The following CDC123 variants were observed in gnomAD, a reference collection of about 807,000 sequenced individuals.
CDC123 encodes cell division cycle 123.
Under a neutral mutation model 54.4 loss-of-function variants are expected in CDC123, and 37 were observed. The ratio of observed to expected loss-of-function variants is 0.68; its 90% CI spans 0.52 to 0.89. The LOEUF (loss-of-function observed/expected upper bound fraction) is 0.89. Ranked by LOEUF, CDC123 falls within the 40% of genes least tolerant of loss-of-function variation. The pLI is 0.00. For missense variants in CDC123, 361 were observed against 412.1 expected (o/e 0.88, Z 1.07); for synonymous variants, 144 against 136.8 (o/e 1.05, Z -0.37).
At chr10:12,215,856 C>A (rs758802085) in intron 5 of CDC123, 21 bp downstream of exon 5, 33 of 1,447,230 alleles carry the variant, frequency 2.3e-5, no homozygotes, top group Non-Finnish European at 2.9e-5. Flanking sequence ...ATAAGTAATT[C>A]TCTTACTGTT....
In CDC123 at chr10:12,226,620, G is replaced by T. The variant is rs967790359; in HGVS notation, c.441-4328G>T. On this transcript the variant is annotated intron_variant, in intron 6 of 12. Transcript: ENST00000281141. Reference sequence around the variant, plus strand: ...GAGGCGCTCCTCACATCCCAGACGGGGCGGCGGGGCAGAGGCGCTCCTCAC... The same window carrying T: ...GAGGCGCTCCTCACATCCCAGACGGTGCGGCGGGGCAGAGGCGCTCCTCAC... 4.7e-5 allele frequency among the ~76,000 whole-genome samples: 7 copies of T among 148,666 alleles called. No individual in the cohort carries two copies. In the South Asian group the frequency reaches 1.1e-3, roughly 23 times the overall value.
intron 2 of CDC123, among the ~76,000 whole-genome samples, chr10:12,208,143 C>T (rs1835545858): frequency 6.6e-6 from 1 of 152,190 alleles, no homozygotes; most frequent in African/African-American, 2.4e-5. Context: ...GAGATAAAAG[C>T]ACATGTTTAA....
intron 8 of CDC123, among the ~76,000 whole-genome samples, chr10:12,235,997 G>A (rs1488906743): frequency 6.6e-6 from 1 of 152,156 alleles, no homozygotes; most frequent in Non-Finnish European, 1.5e-5. Context: ...AAGTCACTCT[G>A]AAAAAAGGAA....
intron 8 of CDC123, among the ~76,000 whole-genome samples, chr10:12,236,735 C>A (rs753825766): frequency 6.6e-6 from 1 of 151,090 alleles, no homozygotes; most frequent in East Asian, 1.9e-4. Context: ...GCTAAAAATA[C>A]AAAAAAAAAT....
At chr10:12,245,925 C>T in intron 10 of CDC123, 1 of 393,264 alleles carries the variant, frequency 2.5e-6, no homozygotes, top group Non-Finnish European at 4.6e-6. Flanking sequence ...CAAAAATTAG[C>T]TGCATGTGGT....
chr10:12,224,599 A>G (rs1301845903), intron 6 of CDC123, among the ~76,000 whole-genome samples: 2 of 152,208 alleles, frequency 1.3e-5, no homozygotes, highest in African/African-American at 4.8e-5. Context: ...TATTCTGCCA[A>G]GAATTTGAAC....
intron 2 of CDC123, among the ~76,000 whole-genome samples, chr10:12,208,989 C>G (rs1264516049): frequency 6.6e-6 from 1 of 152,164 alleles, no homozygotes; most frequent in Non-Finnish European, 1.5e-5. Context: ...TGGTTTTGCC[C>G]CCACAGTAGT....
chr10:12,214,811 G>T (rs1835643008), intron 4 of CDC123, among the ~76,000 whole-genome samples: 1 of 151,710 alleles, frequency 6.6e-6, no homozygotes, highest in Non-Finnish European at 1.5e-5. Flanking sequence ...TTTTTCCTAG[G>T]GAAGAAGTTG....
intron 5 of CDC123, among the ~76,000 whole-genome samples, chr10:12,216,056 C>T (rs892716943): frequency 2.6e-5 from 4 of 152,146 alleles, no homozygotes; most frequent in East Asian, 1.9e-4. Context: ...GTAGTTTCCA[C>T]GTCTTGTGTT....
At chr10:12,214,161 A>G (rs1050934829) in intron 4 of CDC123, among the ~76,000 whole-genome samples, 12 of 152,288 alleles carry the variant, frequency 7.9e-5, no homozygotes, top group Admixed American at 5.9e-4. Context: ...AAAGGCATAC[A>G]TGAAAAGTAA....
intron 11 of CDC123, 181 bp downstream of exon 11, chr10:12,246,458 CTT>C: frequency 1.7e-6 from 1 of 572,148 alleles, no homozygotes; most frequent in Non-Finnish European, 3.0e-6. Context: ...CCCCACTTAA[CTT>C]TATATACAGA....
chr10:12,231,340 A>T (rs1835899693), intron 7 of CDC123, among the ~76,000 whole-genome samples: 1 of 152,154 alleles, frequency 6.6e-6, no homozygotes, highest in African/African-American at 2.4e-5. Context: ...ATAAGAGGAT[A>T]GGCCGGGCGT....
chr10:12,239,744 C>A (rs1367573016), intron 10 of CDC123, among the ~76,000 whole-genome samples: 1 of 150,616 alleles, frequency 6.6e-6, no homozygotes, highest in Non-Finnish European at 1.5e-5. Context: ...CGCGGTGGCT[C>A]ACACCTGTAA....
At chr10:12,201,415 G>C (rs890482393) in intron 2 of CDC123, among the ~76,000 whole-genome samples, 1 of 152,158 alleles carries the variant, frequency 6.6e-6, no homozygotes, top group Admixed American at 6.5e-5. Flanking sequence ...GAGGGTCGGG[G>C]AATGCTCCGA....
At chr10:12,230,908 T>C in intron 6 of CDC123, 40 bp from the exon 7 acceptor site, 1 of 1,593,438 alleles carries the variant, frequency 6.3e-7, no homozygotes, top group African/African-American at 1.3e-5. Context: ...CTGGCACCAG[T>C]AACAAAAAGA....
intron 6 of CDC123, among the ~76,000 whole-genome samples, chr10:12,226,695 A>G (rs1179959493): frequency 7.1e-6 from 1 of 140,328 alleles, no homozygotes; most frequent in East Asian, 2.1e-4. Flanking sequence ...ATCTCAGACG[A>G]TGGGTGGCTG....
intron 2 of CDC123, among the ~76,000 whole-genome samples, chr10:12,208,606 G>T (rs1835551455): frequency 6.6e-6 from 1 of 152,174 alleles, no homozygotes; most frequent in Non-Finnish European, 1.5e-5. Context: ...AGAGGGCTTT[G>T]TGCAGCGCTG....
At chr10:12,210,208 A>C in intron 3 of CDC123, 82 bp from the exon 4 acceptor site, 1 of 1,542,278 alleles carries the variant, frequency 6.5e-7, no homozygotes, top group Admixed American at 2.0e-5. Context: ...TTGATTTATA[A>C]TTTTTAGATG....
At chr10:12,225,771 T>G (rs1835804443) in intron 6 of CDC123, among the ~76,000 whole-genome samples, 2 of 123,762 alleles carry the variant, frequency 1.6e-5, no homozygotes, top group South Asian at 2.8e-4. Flanking sequence ...TTTTTTTTTT[T>G]TTAGTATTTA....
Sources: allele counts gnomAD v4.1 joint callset (sites outside exome capture counted in the v4.1 genomes callset), GRCh38; gene constraint gnomAD v4.1.1; transcripts MANE v1.5; gene names NCBI Gene and HGNC (gene_info 2026-07-23, HGNC 2026-07-21).